The following AGBL4 variants were observed in gnomAD, a reference collection of about 807,000 sequenced individuals.
The protein encoded by AGBL4 is AGBL carboxypeptidase 4.
A neutral mutation model predicts 66.4 loss-of-function variants in AGBL4; 58 were observed. That is an observed-to-expected ratio of 0.87 (90% CI 0.71 to 1.09). AGBL4 has a LOEUF of 1.09. Among genes scored for constraint, AGBL4 ranks in the 50% least tolerant of loss-of-function variants. AGBL4 has a pLI of 0.00. For missense variants in AGBL4, 579 were observed against 631.0 expected, an observed-to-expected ratio of 0.92 and a Z score of 0.88; for synonymous variants, 234 against 222.9, an observed-to-expected ratio of 1.05 and a Z score of -0.44.
chr1:49,362,449 C>CAAAAAA (rs145467066), intron 3 of AGBL4, among the ~76,000 whole-genome samples: 1 of 80,904 alleles, frequency 1.2e-5, no homozygotes. Context: ...GACCCTGTCT[C>CAAAAAA]AAAAAAAAAA....
intron 3 of AGBL4, among the ~76,000 whole-genome samples, chr1:49,268,410 ACACACAC>A (rs1248607181): frequency 4.3e-3 from 4 of 926 alleles, no homozygotes; most frequent in African/African-American, 6.9e-3. Context: ...TTTTTTTTAA[ACACACAC>A]ACACACACAC....
At chr1:49,224,957 A>G (rs1211867539) in intron 4 of AGBL4, among the ~76,000 whole-genome samples, 1 of 152,238 alleles carries the variant, frequency 6.6e-6, no homozygotes, top group African/African-American at 2.4e-5. Flanking sequence ...CCCATGTACA[A>G]ATGAATACTT....
chr1:49,971,355 G>A (rs1658067762), intron 1 of AGBL4, among the ~76,000 whole-genome samples: 1 of 152,116 alleles, frequency 6.6e-6, no homozygotes, highest in Admixed American at 6.6e-5. Flanking sequence ...ATCAATTGTT[G>A]CAGTATCACA....
intron 5 of AGBL4, among the ~76,000 whole-genome samples, chr1:48,870,821 C>T (rs1407459909): frequency 3.3e-5 from 5 of 152,132 alleles, no homozygotes; most frequent in South Asian, 2.1e-4. Flanking sequence ...AGCAGATATG[C>T]GTAGGCTGTT....
intron 3 of AGBL4, among the ~76,000 whole-genome samples, chr1:49,325,260 C>T (rs1019265166): frequency 1.1e-4 from 16 of 152,140 alleles, no homozygotes; most frequent in African/African-American, 3.6e-4. Context: ...CTCCTGACCT[C>T]GTGATCCACC....
intron 1 of AGBL4, among the ~76,000 whole-genome samples, chr1:49,900,020 T>C (rs1044559871): frequency 6.6e-6 from 1 of 151,644 alleles, no homozygotes; most frequent in African/African-American, 2.4e-5. Context: ...CCAGCCTGGG[T>C]GACAGAGCAA....
intron 3 of AGBL4, among the ~76,000 whole-genome samples, chr1:49,395,391 G>T (rs931475141): frequency 4.0e-5 from 6 of 151,768 alleles, no homozygotes; most frequent in Non-Finnish European, 8.8e-5. Flanking sequence ...AATAAGTATT[G>T]AATGAATGAA....
At chr1:48,789,291 TA>T (rs768139833) in intron 6 of AGBL4, among the ~76,000 whole-genome samples, 22 of 43,882 alleles carry the variant, frequency 5.0e-4, no homozygotes, top group East Asian at 4.0e-3. Flanking sequence ...TATATATATA[TA>T]TATTTTTTTT....
At chr1:48,649,888 T>C (rs1645899453) in intron 8 of AGBL4, among the ~76,000 whole-genome samples, 1 of 152,250 alleles carries the variant, frequency 6.6e-6, no homozygotes, top group Admixed American at 6.5e-5. Flanking sequence ...AACTCTATAG[T>C]ATCTCCATTG....
chr1:50,001,991 T>A (rs534581933), intron 1 of AGBL4, among the ~76,000 whole-genome samples: 1 of 152,170 alleles, frequency 6.6e-6, no homozygotes, highest in Non-Finnish European at 1.5e-5. Flanking sequence ...TTTTTCCTGA[T>A]AACAAAAATT....
intron 9 of AGBL4, 93 bp from the exon 10 acceptor site, chr1:48,591,078 A>G (rs1397521363): frequency 6.2e-5 from 57 of 921,350 alleles, no homozygotes; most frequent in Non-Finnish European, 7.5e-5. Flanking sequence ...CACCCCCCAC[A>G]CACACCCACC....
chr1:49,476,772 T>C (rs941333213), intron 3 of AGBL4, among the ~76,000 whole-genome samples: 16 of 152,104 alleles, frequency 1.1e-4, no homozygotes, highest in African/African-American at 9.7e-5. Flanking sequence ...TCTTTCTCCA[T>C]CCCTTTACCT....
intron 3 of AGBL4, among the ~76,000 whole-genome samples, chr1:49,249,210 G>A (rs918688945): frequency 6.6e-6 from 1 of 152,102 alleles, no homozygotes; most frequent in Non-Finnish European, 1.5e-5. Flanking sequence ...GTTAGTTGCA[G>A]GGACTATTCT....
At chr1:49,509,799 AG>A in intron 3 of AGBL4, among the ~76,000 whole-genome samples, 1 of 152,082 alleles carries the variant, frequency 6.6e-6, no homozygotes, top group East Asian at 1.9e-4. Context: ...TCCATAAAAT[AG>A]GGGTAACAAT....
intron 5 of AGBL4, among the ~76,000 whole-genome samples, chr1:48,941,896 A>G (rs540209385): frequency 6.6e-6 from 1 of 152,218 alleles, no homozygotes; most frequent in Non-Finnish European, 1.5e-5. Flanking sequence ...ATACAAAGTC[A>G]GGACCTCTTA....
chr1:49,042,561 C>T lies in AGBL4; in HGVS notation c.594+3023G>A, dbSNP rs185311263. On this transcript the variant is annotated intron_variant, in intron 5 of 13. Transcript: ENST00000371839. ...ACAGAACTGCTTCTTCTTTCTCCAC[C>T]GTCTCCTTCATCCTGCTGCATGGAA... is the stretch of plus-strand genomic sequence containing the variant. Among the ~76,000 whole-genome samples, 65 of 152,218 alleles carry T rather than the reference C, an allele frequency of 4.3e-4. 1 individual carries two copies. The highest frequency in any genetic ancestry group is 3.3e-3 in the East Asian group (17 of 5,166).
chr1:48,662,155 A>G (rs997636993), intron 7 of AGBL4, among the ~76,000 whole-genome samples: 3 of 152,262 alleles, frequency 2.0e-5, no homozygotes, highest in African/African-American at 7.2e-5. Flanking sequence ...TTGATAGTTT[A>G]CAAAGCAGAT....
intron 6 of AGBL4, chr1:48,759,336 G>C: frequency 4.6e-6 from 7 of 1,527,060 alleles, no homozygotes; most frequent in Non-Finnish European, 6.2e-6. Flanking sequence ...GGATTTTCTT[G>C]GACTGCAGAT....
At chr1:49,842,863 G>C (rs939728250) in intron 2 of AGBL4, among the ~76,000 whole-genome samples, 5 of 152,152 alleles carry the variant, frequency 3.3e-5, no homozygotes, top group African/African-American at 1.2e-4. Context: ...CAGGTGCAAA[G>C]GCCTGAAGTG....
Sources: gnomAD v4.1 joint callset for allele counts (sites outside exome capture counted in the v4.1 genomes callset) on GRCh38, gnomAD v4.1.1 for gene constraint, MANE v1.5 for transcripts, NCBI Gene and HGNC (gene_info 2026-07-23, HGNC 2026-07-21) for gene names.